Variants in ZFP42 observed in about 807,000 individuals in gnomAD.
ZFP42 encodes the protein ZFP42 zinc finger protein.
For missense variants in ZFP42, 438 were observed against 377.1 expected, an observed-to-expected ratio of 1.16 and a Z score of -1.34; for synonymous variants, 175 against 144.6, an observed-to-expected ratio of 1.21 and a Z score of -1.51.
chr4:188,003,154 T>TTCGAAATGTTCTTTGGAATACA lies in ZFP42; in HGVS notation c.348_349insCGAAATGTTCTTTGGAATACAT (p.Glu117ArgfsTer8), dbSNP rs752253225. On this transcript the variant is annotated frameshift_variant, in exon 4 of 4. Transcript: ENST00000326866. LOFTEE classifies it low-confidence loss of function (END_TRUNC). ...CAAAAGGTTTTCGAAGCAAGCTCCC[T>TTCGAAATGTTCTTTGGAATACA]TGAATGTTCTTTGGAATACATGAAA... 7 of 1,613,944 alleles carry TTCGAAATGTTCTTTGGAATACA rather than the reference T, an allele frequency of 4.3e-6. No individual in the cohort carries two copies. The Admixed American group carries it at 1.0e-4, about 23-fold the overall frequency.
chr4:188,002,921 G>C lies in ZFP42; in HGVS notation c.114G>C (p.Ala38=), dbSNP rs1241816484. 1.2e-6 allele frequency: 2 copies of C among 1,614,076 alleles called. No individual in the cohort carries two copies. Among genetic ancestry groups the C allele is most frequent in the African/African-American group, 1.3e-5 (1 of 74,948 alleles). Residue 38 remains alanine (A), a synonymous_variant, in exon 4 of 4, where the codon GCG becomes GCC. Transcript: ENST00000326866. ...GCAAGTCAAGCCAAGACCTGCAGGC[G>C]GAAATAGAACCTGTCAGCGCGGTGT... ...RQGKSSQDLQ[A]EIEPVSAVWA... is the part of the protein sequence containing the mutation.
Position 188,003,415 on chromosome 4 carries a change from C to T in ZFP42, c.608C>T (p.Ala203Val), listed in dbSNP as rs555416829. Residue 203 changes from alanine to valine, a missense_variant, in exon 4 of 4, where the codon GCT becomes GTT. Physicochemically the swap from Ala to Val is moderately conservative, Grantham distance 64. Coordinates refer to ENST00000326866, the MANE Select transcript of ZFP42 (RefSeq NM_174900.5). The part of the protein sequence containing the change: ...SGCTRKLRNR[A>V]ALRKHLLIHG... ...TGCACTAGGAAGTTGAGGAATAGAGCTGCCCTGAGAAAGCATCTCCTCATT... is the reference window on the plus strand; with the variant it reads ...TGCACTAGGAAGTTGAGGAATAGAGTTGCCCTGAGAAAGCATCTCCTCATT... 6 of 1,614,154 alleles carry T rather than the reference C, an allele frequency of 3.7e-6. No homozygotes were observed. In the South Asian group the frequency reaches 6.6e-5, roughly 18 times the overall value.
rs1010166074 is a variant in ZFP42 at position 188,004,765 on chromosome 4, A to G, written c.*1025A>G. 6.0e-6 allele frequency: 1 copy of G among 167,108 alleles called. No homozygotes were observed. Among genetic ancestry groups the G allele is most frequent in the Non-Finnish European group, 1.5e-5 (1 of 68,150 alleles). 10.4% of individuals were successfully genotyped at this position (167,108 alleles called of 1,614,324 possible). A position where few individuals can be genotyped will look rare whatever the true frequency, so the allele number is the denominator to read the frequency against. On this transcript the variant is annotated 3_prime_UTR_variant, in exon 4 of 4. Transcript: ENST00000326866. ...ATTGCACCACTGTACTCCAGACTGG[A>G]TAACAGCAAGAGCCCATCTTTTAAA...
At position 188,003,239 on chromosome 4, in the gene ZFP42, T is replaced by C; in HGVS notation, c.432T>C (p.Ser144=). The change falls in exon 4 of 4, where the codon TCT becomes TCC. Residue 144 remains serine, a synonymous_variant. Coordinates refer to ENST00000326866, the MANE Select transcript of ZFP42 (RefSeq NM_174900.5). ...TTGGAGAGAATTCGCTTGAGTATTC[T>C]GAGTACATGACAGGCAAGAAGCTTC... ...KIVGENSLEY[S]EYMTGKKLPP... 1.2e-6 allele frequency: 2 copies of C among 1,614,114 alleles called. No homozygotes were observed. The highest frequency in any genetic ancestry group is 2.2e-5 in the East Asian group (1 of 44,888).
Position 188,000,748 on chromosome 4 carries a change from G to A in ZFP42, c.-96+1063G>A, listed in dbSNP as rs138162834. Among the ~76,000 whole-genome samples the A allele has an allele frequency of 1.0e-3, 158 of 152,282 alleles. No individual in the cohort carries two copies. In the East Asian group the frequency reaches 0.027, roughly 26 times the overall value. ...TGTAATCCCAGTACTTTGAGAAGCC[G>A]AGGAGAGCAGATCACCTGAGGTCAG... On this transcript the variant is annotated intron_variant, in intron 3 of 3. Transcript: ENST00000326866.
rs1246097948 is a variant in ZFP42, at chr4:188,002,846, C to G, written c.39C>G (p.His13Gln). The G allele has an allele frequency of 1.9e-6, 3 of 1,614,034 alleles. No homozygotes were observed. Among genetic ancestry groups the G allele is most frequent in the Non-Finnish European group, 2.5e-6 (3 of 1,180,024 alleles). ...QQLKKRAKTR[H>Q]QKGLGGRAPS... ...TGAAGAAACGGGCAAAGACAAGACACCAGAAAGGCCTGGGTGGAAGAGCCC... is the reference window on the plus strand; with the variant it reads ...TGAAGAAACGGGCAAAGACAAGACAGCAGAAAGGCCTGGGTGGAAGAGCCC... Residue 13 changes from histidine to glutamine, a missense_variant, in exon 4 of 4, where the codon CAC (histidine) becomes CAG (glutamine). Coordinates refer to ENST00000326866, the MANE Select transcript of ZFP42 (RefSeq NM_174900.5).
At chr4:187,996,770 C>A (rs980588904) in intron 1 of ZFP42, among the ~76,000 whole-genome samples, 1 of 152,184 alleles carries the variant, frequency 6.6e-6, no homozygotes, top group African/African-American at 2.4e-5. Flanking sequence ...TCGCGGGATT[C>A]CCAAATCTAA....
At position 188,002,921 on chromosome 4, in the gene ZFP42, G is replaced by A. The variant is rs1241816484; in HGVS notation, c.114G>A (p.Ala38=). 2 of 1,614,194 alleles carry A rather than the reference G, an allele frequency of 1.2e-6. No homozygotes were observed. The highest frequency in any genetic ancestry group is 1.1e-5 in the South Asian group (1 of 91,084). ...GCAAGTCAAGCCAAGACCTGCAGGC[G>A]GAAATAGAACCTGTCAGCGCGGTGT... ...RQGKSSQDLQ[A]EIEPVSAVWA... Residue 38 remains alanine (A), a synonymous_variant, in exon 4 of 4, where the codon GCG becomes GCA. Coordinates refer to ENST00000326866, the MANE Select transcript of ZFP42 (RefSeq NM_174900.5).
rs1158045090 is a variant in ZFP42, at chr4:188,003,407, G to C, written c.600G>C (p.Arg200Ser). The change falls in exon 4 of 4, where the codon AGG becomes AGC. Residue 200 changes from arginine (R) to serine (S), a missense_variant. By Grantham distance (110) the Arg-to-Ser change is moderately radical (BLOSUM62 -1). Coordinates refer to ENST00000326866, the MANE Select transcript of ZFP42 (RefSeq NM_174900.5). Reference protein sequence around the residue: ...CPQSGCTRKLRNRAALRKHLL... With the variant: ...CPQSGCTRKLSNRAALRKHLL... ...AGAGTGGATGCACTAGGAAGTTGAG[G>C]AATAGAGCTGCCCTGAGAAAGCATC... is the stretch of plus-strand genomic sequence containing the variant. 1.2e-6 allele frequency: 2 copies of C among 1,614,066 alleles called. No individual in the cohort carries two copies. Among genetic ancestry groups the C allele is most frequent in the South Asian group, 2.2e-5 (2 of 91,078 alleles).
intron 3 of ZFP42, 120 bp from the exon 4 acceptor site, chr4:188,002,585 TTCTTGGTC>T: frequency 1.8e-6 from 1 of 558,890 alleles, no homozygotes; most frequent in Non-Finnish European, 3.2e-6. Context: ...ACAGAGCTCA[TTCTTGGTC>T]TCTTGGTTAG....
At position 188,002,671 on chromosome 4, in the gene ZFP42, T is replaced by C. The variant is rs1005424831; in HGVS notation, c.-95-42T>C. 4 of 719,328 alleles carry C rather than the reference T, an allele frequency of 5.6e-6. No homozygotes were observed. In the Admixed American group the frequency reaches 8.5e-5, roughly 15 times the overall value. 44.6% of individuals were successfully genotyped at this position (719,328 alleles called of 1,614,324 possible). A position where few individuals can be genotyped will look rare whatever the true frequency, so the allele number is the denominator to read the frequency against. ...GGTCATTTTTTGACAGTGGCTCTAA[T>C]ACTGGAATCTATTTTAACTAAAGGT... On this transcript the variant is annotated intron_variant, in intron 3 of 3. Coordinates refer to ENST00000326866, the MANE Select transcript of ZFP42 (RefSeq NM_174900.5).
chr4:187,997,542 CT>C (rs995690899), intron 1 of ZFP42, among the ~76,000 whole-genome samples: 2 of 151,678 alleles, frequency 1.3e-5, no homozygotes, highest in East Asian at 1.9e-4. Context: ...CCGCCCCGAC[CT>C]TTTTTTTAAT....
intron 1 of ZFP42, among the ~76,000 whole-genome samples, chr4:187,998,386 A>C (rs1579116829): frequency 6.6e-6 from 1 of 152,328 alleles, no homozygotes; most frequent in East Asian, 1.9e-4. Flanking sequence ...CAGTAAGCTA[A>C]GGTTAATTTA....
At chr4:188,002,640 G>T (rs190546627) in intron 3 of ZFP42, 73 bp from the exon 4 acceptor site, 2 of 629,112 alleles carry the variant, frequency 3.2e-6, no homozygotes. Flanking sequence ...TGGAAAATGT[G>T]TCTTAGGTCA....
In ZFP42 at chr4:188,002,734, C is replaced by A; in HGVS notation, c.-74C>A. ...GCAGGTGTTTGCTGAAGACAGCTTA[C>A]TCAGATCACTACTGCCTGGAGGTGG... On this transcript the variant is annotated 5_prime_UTR_variant, in exon 4 of 4. Coordinates refer to ENST00000326866, the MANE Select transcript of ZFP42 (RefSeq NM_174900.5). 1 of 1,286,318 alleles carries A rather than the reference C, an allele frequency of 7.8e-7. No individual in the cohort carries two copies. The highest frequency in any genetic ancestry group is 1.1e-6 in the Non-Finnish European group (1 of 912,366). The allele number at this position is 1,286,318 out of a possible 1,614,324, so 79.7% of individuals were successfully genotyped here.
intron 1 of ZFP42, among the ~76,000 whole-genome samples, chr4:187,997,971 A>G (rs1462303897): frequency 6.6e-6 from 1 of 152,216 alleles, no homozygotes; most frequent in Non-Finnish European, 1.5e-5. Flanking sequence ...TGTACAGGTG[A>G]AAAAATGTTT....
rs571349160 is a variant in ZFP42, at chr4:188,004,019, A to C, written c.*279A>C. ...GCTTCCAACAGGAAGGTCAGTGATA[A>C]ATTTTCAAAAGCATAACCTTCAATA... On this transcript the variant is annotated 3_prime_UTR_variant, in exon 4 of 4. Transcript: ENST00000326866. 7 of 303,028 alleles carry C rather than the reference A, an allele frequency of 2.3e-5. No homozygotes were observed. In the Admixed American group the frequency reaches 2.6e-4, roughly 11 times the overall value. 18.8% of individuals were successfully genotyped at this position (303,028 alleles called of 1,614,324 possible).
chr4:188,003,021 T>TA lies in ZFP42; in HGVS notation c.215dup (p.Tyr72Ter). The change falls in exon 4 of 4, where the codon TAC (tyrosine) becomes TAAC (stop). Residue 72 changes from tyrosine to a stop codon, truncating the protein, a stop_gained and frameshift_variant. Coordinates refer to ENST00000326866, the MANE Select transcript of ZFP42 (RefSeq NM_174900.5). LOFTEE classifies it low-confidence loss of function (END_TRUNC). ...CGGAGGGGATGATTTCTCAGACTGT[T>TA]ACATAGAATGCGTCATAAGGGGTGA... ...ALGGDDFSDC[Y>*]IECVIRGEFS... The TA allele has an allele frequency of 6.2e-7, 1 of 1,614,120 alleles. No individual in the cohort carries two copies. The highest frequency in any genetic ancestry group is 1.3e-5 in the African/African-American group (1 of 75,024).
intron 3 of ZFP42, among the ~76,000 whole-genome samples, chr4:188,002,489 A>C (rs1053744902): frequency 4.6e-5 from 7 of 152,184 alleles, no homozygotes; most frequent in Admixed American, 2.0e-4. Context: ...CCCACCCAAC[A>C]CGTGTCAGGT....
Sources: gnomAD v4.1 joint callset for allele counts (sites outside exome capture counted in the v4.1 genomes callset) on GRCh38, gnomAD v4.1.1 for gene constraint, MANE v1.5 for transcripts, NCBI Gene and HGNC (gene_info 2026-07-23, HGNC 2026-07-21) for gene names.